The following PREX2 variants were observed in gnomAD, a reference collection of about 807,000 sequenced individuals.
The protein encoded by PREX2 is phosphatidylinositol-3,4,5-trisphosphate dependent Rac exchange factor 2.
PREX2 carries 107 observed loss-of-function variants against 203.2 expected under a neutral mutation model. That is an observed-to-expected ratio of 0.53 (90% CI 0.45 to 0.62). The LOEUF (loss-of-function observed/expected upper bound fraction) is 0.62, where lower values mean the gene tolerates loss of function less well. Ranked by LOEUF, PREX2 falls within the 20% of genes least tolerant of loss-of-function variation. PREX2 has a pLI of 0.00. For missense variants in PREX2, 1,777 were observed against 1,955.9 expected (o/e 0.91, Z 1.72); for synonymous variants, 672 against 663.6 (o/e 1.01, Z -0.19).
chr8:68,106,546 C>G (rs1304675783), intron 23 of PREX2, among the ~76,000 whole-genome samples: 2 of 152,118 alleles, frequency 1.3e-5, no homozygotes, highest in Non-Finnish European at 2.9e-5. Flanking sequence ...TAGCTTCTGA[C>G]ATGTGAATTG....
At chr8:68,205,784 G>A (rs892934577) in intron 37 of PREX2, among the ~76,000 whole-genome samples, 5 of 152,174 alleles carry the variant, frequency 3.3e-5, no homozygotes, top group African/African-American at 7.2e-5. Context: ...ACACAGAACG[G>A]TGCATTTTAT....
chr8:68,129,899 A>C (rs113821834), intron 31 of PREX2, among the ~76,000 whole-genome samples: 1,737 of 129,572 alleles, frequency 0.013, 17 homozygotes, highest in Non-Finnish European at 0.019. Context: ...AAAAAAAAAA[A>C]CCCTCAAATT....
In PREX2 at chr8:68,127,358, T is replaced by C. The variant is rs375696432; in HGVS notation, c.3725-20T>C. On this transcript the variant is annotated intron_variant, in intron 30 of 39. Coordinates refer to ENST00000288368, the MANE Select transcript of PREX2 (RefSeq NM_024870.4). ...ACAGAAAGAGTGAACAATTAACTGA[T>C]GTGTTTTCTTTCTCTGCAGAGGTAA... 6 of 1,575,720 alleles carry C rather than the reference T, an allele frequency of 3.8e-6. No individual in the cohort carries two copies. Among genetic ancestry groups the C allele is most frequent in the Middle Eastern group, 1.7e-4 (1 of 5,946 alleles).
chr8:68,194,384 G>T (rs1446800632), intron 37 of PREX2, among the ~76,000 whole-genome samples: 1 of 152,152 alleles, frequency 6.6e-6, no homozygotes. Context: ...GGAAGATAGG[G>T]TAGAGAAAAG....
intron 1 of PREX2, among the ~76,000 whole-genome samples, chr8:67,976,860 G>A (rs1174880719): frequency 6.6e-6 from 1 of 152,152 alleles, no homozygotes; most frequent in Non-Finnish European, 1.5e-5. Flanking sequence ...CACTAGACAT[G>A]TGAGGGATGA....
At chr8:68,090,509 T>C (rs1809836760) in intron 19 of PREX2, 70 bp from the exon 20 acceptor site, 2 of 1,346,070 alleles carry the variant, frequency 1.5e-6, no homozygotes, top group Non-Finnish European at 2.1e-6. Context: ...CTTCCATAAT[T>C]GTATATATCA....
At chr8:68,067,609 T>C (rs1180429739) in intron 11 of PREX2, among the ~76,000 whole-genome samples, 1 of 152,058 alleles carries the variant, frequency 6.6e-6, no homozygotes, top group Non-Finnish European at 1.5e-5. Context: ...GCAAGTTTAC[T>C]GAATTAGTTT....
chr8:68,086,486 G>C (rs1460176561), intron 18 of PREX2, among the ~76,000 whole-genome samples: 1 of 152,040 alleles, frequency 6.6e-6, no homozygotes, highest in Non-Finnish European at 1.5e-5. Context: ...CTCATCTTTT[G>C]GGAAACACTT....
chr8:68,007,901 G>A (rs1208440215), intron 1 of PREX2, among the ~76,000 whole-genome samples: 3 of 152,184 alleles, frequency 2.0e-5, no homozygotes, highest in Non-Finnish European at 4.4e-5. Context: ...GAGCCACCGC[G>A]CCCGGCCCTC....
At chr8:67,956,340 A>G (rs1805492455) in intron 1 of PREX2, among the ~76,000 whole-genome samples, 1 of 152,340 alleles carries the variant, frequency 6.6e-6, no homozygotes, top group South Asian at 2.1e-4. Flanking sequence ...GGCTGGCTTC[A>G]TGGATGCACA....
chr8:67,997,690 A>G (rs961739170), intron 1 of PREX2, among the ~76,000 whole-genome samples: 4 of 152,164 alleles, frequency 2.6e-5, no homozygotes, highest in Non-Finnish European at 5.9e-5. Context: ...TGGTGAATCT[A>G]TAGATCAATT....
Position 68,044,583 on chromosome 8 carries a change from T to C in PREX2, c.936T>C (p.Asp312=), listed in dbSNP as rs1808293312. The stretch of plus-strand genomic sequence containing the variant: ...TGATGGAAGTGGAGAATGTGGATGA[T>C]GGCACCGGTAAGTGATTTGTAGATT... ...TEVMEVENVD[D]GTADFHSSGH... The change falls in exon 8 of 40, where the codon GAT becomes GAC. Residue 312 remains aspartate, a synonymous_variant. Transcript: ENST00000288368. The C allele has an allele frequency of 1.9e-6, 3 of 1,610,314 alleles. No homozygotes were observed. Among genetic ancestry groups the C allele is most frequent in the Non-Finnish European group, 2.5e-6 (3 of 1,177,084 alleles).
chr8:68,229,588 G>A (rs1813126679), intron 39 of PREX2, among the ~76,000 whole-genome samples: 1 of 152,170 alleles, frequency 6.6e-6, no homozygotes, highest in Admixed American at 6.5e-5. Flanking sequence ...TATTTCATTA[G>A]GTGATCACAG....
Position 68,236,291 on chromosome 8 carries a change from A to C in PREX2, c.*4913A>C, listed in dbSNP as rs1193152800. Reference sequence around the variant, plus strand: ...GCATTTCTACTAGAAATAGCTTTGGAGAGTTAATTTTAGGTGCGAATAACA... The same window carrying C: ...GCATTTCTACTAGAAATAGCTTTGGCGAGTTAATTTTAGGTGCGAATAACA... On this transcript the variant is annotated 3_prime_UTR_variant, in exon 40 of 40. Coordinates refer to ENST00000288368, the MANE Select transcript of PREX2 (RefSeq NM_024870.4). 1 of 152,178 alleles carries C rather than the reference A, an allele frequency of 6.6e-6. No individual in the cohort carries two copies. The highest frequency in any genetic ancestry group is 1.5e-5 in the Non-Finnish European group (1 of 68,014). The allele number at this position is 152,178 out of a possible 1,614,324, so 9.4% of individuals were successfully genotyped here.
chr8:68,116,740 C>T (rs745412367), intron 26 of PREX2, among the ~76,000 whole-genome samples: 1 of 152,164 alleles, frequency 6.6e-6, no homozygotes, highest in Non-Finnish European at 1.5e-5. Context: ...AACTTGATTA[C>T]CTTTGTAAAG....
chr8:68,115,190 G>A (rs1810627617), intron 25 of PREX2, among the ~76,000 whole-genome samples: 1 of 151,880 alleles, frequency 6.6e-6, no homozygotes, highest in African/African-American at 2.4e-5. Flanking sequence ...ACCACGCCCG[G>A]CTAATTTTGT....
rs1386409533 is a variant in PREX2 at position 68,080,495 on chromosome 8, G to C, written c.1695G>C (p.Ser565=). ...KDEPLLFRFF[S]DEEMEGSNMK... is the part of the protein sequence containing the mutation. ...AACCCCTACTTTTCCGTTTTTTTTC[G>C]GATGAGGAAATGGAGGGATCAAATA... The change falls in exon 16 of 40, where the codon TCG becomes TCC. Residue 565 remains serine (S), a synonymous_variant. Transcript: ENST00000288368. The C allele has an allele frequency of 3.1e-6, 5 of 1,605,306 alleles. No homozygotes were observed. Among genetic ancestry groups the C allele is most frequent in the Non-Finnish European group, 4.3e-6 (5 of 1,175,172 alleles).
chr8:68,173,918 C>T (rs1032561733), intron 35 of PREX2, among the ~76,000 whole-genome samples: 1 of 152,118 alleles, frequency 6.6e-6, no homozygotes, highest in Non-Finnish European at 1.5e-5. Flanking sequence ...GAAAAATAAG[C>T]ATACCCCAAA....
Position 67,975,272 on chromosome 8 carries a change from GTTTTT to G in PREX2, c.141+22760_141+22764del, listed in dbSNP as rs75276095. Among the ~76,000 whole-genome samples the G allele has an allele frequency of 1.1e-3, 109 of 96,818 alleles. 6 individuals are homozygous for G. Among genetic ancestry groups the G allele is most frequent in the African/African-American group, 3.2e-3 (70 of 22,200 alleles). The allele number at this position is 96,818 out of a possible 152,430, so 63.5% of individuals were successfully genotyped here. ...GGCTGATGTTACCTGCACACGGCCT[GTTTTT>G]TTTTTTTTTTTTTTTTTTTTTTGGT... On this transcript the variant is annotated intron_variant, in intron 1 of 39. Coordinates refer to ENST00000288368, the MANE Select transcript of PREX2 (RefSeq NM_024870.4).
Sources: gnomAD v4.1 joint callset for allele counts (sites outside exome capture counted in the v4.1 genomes callset) on GRCh38, gnomAD v4.1.1 for gene constraint, MANE v1.5 for transcripts, NCBI Gene and HGNC (gene_info 2026-07-23, HGNC 2026-07-21) for gene names.